The following MAIP1 variants were observed in gnomAD, a reference collection of about 807,000 sequenced individuals.
MAIP1 encodes the protein m-AAA protease-interacting protein 1, mitochondrial.
MAIP1 carries 28 observed loss-of-function variants against 31.2 expected under a neutral mutation model. The observed-to-expected ratio is 0.90, with a 90% CI of 0.67 to 1.23. The LOEUF (loss-of-function observed/expected upper bound fraction) is 1.23, where lower values mean the gene tolerates loss of function less well. MAIP1 is among the 50% of genes most tolerant of loss of function. The pLI, the probability that MAIP1 is intolerant of heterozygous loss-of-function variation, is 0.00. For missense variants in MAIP1, 339 were observed against 356.0 expected (o/e 0.95, Z 0.38); for synonymous variants, 142 against 142.3 (o/e 1.00, Z 0.02).
chr2:199,963,379 G>A (rs17591218), intron 4 of MAIP1, among the ~76,000 whole-genome samples: 7,717 of 152,076 alleles, frequency 0.051, 234 homozygotes, highest in East Asian at 0.14. Context: ...CCAGAGTCCA[G>A]TTTATCTGTC....
chr2:199,959,870 T>A lies in MAIP1; in HGVS notation c.639T>A (p.Tyr213Ter). Residue 213 changes from tyrosine (Y) to a stop codon, truncating the protein, a stop_gained, in exon 3 of 5, where the codon TAT becomes TAA. Transcript: ENST00000392290. LOFTEE classifies it high-confidence loss of function. Reference sequence around the variant, plus strand: ...CAACAGGAGACATCTCCATTTACTATGATGAGAAAGGTAATACCAGAGCAT... The same window carrying A: ...CAACAGGAGACATCTCCATTTACTAAGATGAGAAAGGTAATACCAGAGCAT... ...FTSTGDISIYYDEKGRKFVNI... is the reference protein window; with the variant it reads ...FTSTGDISIY 1 of 1,612,236 alleles carries A rather than the reference T, an allele frequency of 6.2e-7. No individual in the cohort carries two copies.
rs2077600572 is a variant in MAIP1, at chr2:199,956,035, G to A, written c.237G>A (p.Pro79=). 2 of 1,609,470 alleles carry A rather than the reference G, an allele frequency of 1.2e-6. No individual in the cohort carries two copies. The highest frequency in any genetic ancestry group is 2.2e-5 in the East Asian group (1 of 44,702). Residue 79 remains proline, a synonymous_variant, in exon 1 of 5, where the codon CCG becomes CCA. Coordinates refer to ENST00000392290, the MANE Select transcript of MAIP1 (RefSeq NM_001394955.1). Reference sequence around the variant, plus strand: ...CCCGGTGGCCAGTGCTCAGCAGCCCGGGACTCCCCGCAGCCTTCGCTTCTT... The same window carrying A: ...CCCGGTGGCCAGTGCTCAGCAGCCCAGGACTCCCCGCAGCCTTCGCTTCTT... ...QGSRWPVLSS[P]GLPAAFASFP...
In MAIP1 at chr2:199,964,007, G is replaced by T; in HGVS notation, c.*196G>T. ...CAGATTGTTATCACCTTCTTTAAAA[G>T]AAGTCAAAATTTAAAAAATACAATA... On this transcript the variant is annotated 3_prime_UTR_variant, in exon 5 of 5. Coordinates refer to ENST00000392290, the MANE Select transcript of MAIP1 (RefSeq NM_001394955.1). The T allele has an allele frequency of 2.7e-6, 1 of 373,054 alleles. No homozygotes were observed. Among genetic ancestry groups the T allele is most frequent in the African/African-American group, 2.1e-5 (1 of 48,184 alleles). The allele number at this position is 373,054 out of a possible 1,614,324, so 23.1% of individuals were successfully genotyped here. A position where few individuals can be genotyped will look rare whatever the true frequency, so the allele number is the denominator to read the frequency against.
chr2:199,960,824 G>A (rs950213149), intron 3 of MAIP1, among the ~76,000 whole-genome samples: 1 of 152,158 alleles, frequency 6.6e-6, no homozygotes, highest in Non-Finnish European at 1.5e-5. Flanking sequence ...AGGAAATGGA[G>A]CCTCTGCTTA....
rs568787748 is a variant in MAIP1, at chr2:199,955,731, T to C, written c.-68T>C. ...CTCCAGTCTCTTTCTCCGACACCGC[T>C]GAGGCGGTTTCCCACCGACTTCCTT... is the stretch of plus-strand genomic sequence containing the variant. On this transcript the variant is annotated 5_prime_UTR_variant, in exon 1 of 5. Coordinates refer to ENST00000392290, the MANE Select transcript of MAIP1 (RefSeq NM_001394955.1). 14 of 1,434,906 alleles carry C rather than the reference T, an allele frequency of 9.8e-6. No individual in the cohort carries two copies. In the South Asian group the frequency reaches 1.5e-4, roughly 15 times the overall value. 88.9% of individuals were successfully genotyped at this position (1,434,906 alleles called of 1,614,324 possible). A position where few individuals can be genotyped will look rare whatever the true frequency, so the allele number is the denominator to read the frequency against.
At chr2:199,957,215 A>G (rs1265372559) in intron 1 of MAIP1, among the ~76,000 whole-genome samples, 1 of 152,166 alleles carries the variant, frequency 6.6e-6, no homozygotes, top group Non-Finnish European at 1.5e-5. Context: ...CCTGGCCAAT[A>G]TGGTGAAACA....
upstream of MAIP1, chr2:199,955,435 C>G (rs370452475): frequency 1.4e-5 from 22 of 1,613,970 alleles, no homozygotes; most frequent in Non-Finnish European, 1.8e-5. Context: ...GAGAAACGCC[C>G]TCCAGCCGGG....
chr2:199,956,261 C>A lies in MAIP1; in HGVS notation c.450+13C>A, dbSNP rs774422324. The A allele has an allele frequency of 2.0e-5, 31 of 1,587,174 alleles. No individual in the cohort carries two copies. The highest frequency in any genetic ancestry group is 2.5e-5 in the Non-Finnish European group (29 of 1,161,516). On this transcript the variant is annotated intron_variant, in intron 1 of 4. Transcript: ENST00000392290. ...GGGAGCGAAGCAGGTTTGTTTATTT[C>A]CCTGATTGACCTATCCGTCTCTAAT...
Position 199,959,454 on chromosome 2 carries a change from G to C in MAIP1, c.522+115G>C, listed in dbSNP as rs2077624737. The C allele has an allele frequency of 1.7e-5, 12 of 703,610 alleles. No individual in the cohort carries two copies. The South Asian group carries it at 2.0e-4, about 12-fold the overall frequency. 43.6% of individuals were successfully genotyped at this position (703,610 alleles called of 1,614,324 possible). ...AGTGTGTGTGCCAGCATCCAAAGTAGAGTCTGTGTATCTGTTCTTATGGGT... is the reference window on the plus strand; with the variant it reads ...AGTGTGTGTGCCAGCATCCAAAGTACAGTCTGTGTATCTGTTCTTATGGGT... On this transcript the variant is annotated intron_variant, in intron 2 of 4. Coordinates refer to ENST00000392290, the MANE Select transcript of MAIP1 (RefSeq NM_001394955.1).
Position 199,964,014 on chromosome 2 carries a change from A to G in MAIP1, c.*203A>G. The G allele has an allele frequency of 2.8e-6, 1 of 362,988 alleles. No homozygotes were observed. Among genetic ancestry groups the G allele is most frequent in the Non-Finnish European group, 4.9e-6 (1 of 202,830 alleles). The allele number at this position is 362,988 out of a possible 1,614,324, so 22.5% of individuals were successfully genotyped here. On this transcript the variant is annotated 3_prime_UTR_variant, in exon 5 of 5. Transcript: ENST00000392290. ...TTATCACCTTCTTTAAAAGAAGTCA[A>G]AATTTAAAAAATACAATAGCACGTT...
At chr2:199,959,660 G>A in intron 2 of MAIP1, 94 bp from the exon 3 acceptor site, 5 of 1,108,560 alleles carry the variant, frequency 4.5e-6, no homozygotes, top group Non-Finnish European at 6.5e-6. Flanking sequence ...TTTAAAAATA[G>A]GTTTGGAAAA....
At chr2:199,963,641 A>G (rs2077647863) in intron 4 of MAIP1, 92 bp from the exon 5 acceptor site, 1 of 753,156 alleles carries the variant, frequency 1.3e-6, no homozygotes, top group Non-Finnish European at 2.1e-6. Context: ...GTTGCCAAAA[A>G]TTCTTCTAAA....
At chr2:199,955,573 G>T, upstream of MAIP1, 2 of 1,435,460 alleles carry the variant, frequency 1.4e-6, no homozygotes, top group Non-Finnish European at 1.9e-6. Flanking sequence ...AAAGGTCCGC[G>T]AGGCCGGCAG....
Position 199,955,589 on chromosome 2 carries a change from A to G in MAIP1, c.-210A>G, listed in dbSNP as rs768825011. On this transcript the variant is annotated 5_prime_UTR_variant, in exon 1 of 5. Coordinates refer to ENST00000392290, the MANE Select transcript of MAIP1 (RefSeq NM_001394955.1). Reference sequence around the variant, plus strand: ...AAGGTCCGCGAGGCCGGCAGACTCCAGAGTGGCTGGGTCCGAGCGCGGGGC... The same window carrying G: ...AAGGTCCGCGAGGCCGGCAGACTCCGGAGTGGCTGGGTCCGAGCGCGGGGC... The G allele has an allele frequency of 1.0e-4, 142 of 1,371,000 alleles. No individual in the cohort carries two copies. Among genetic ancestry groups the G allele is most frequent in the Non-Finnish European group, 1.3e-4 (136 of 1,007,706 alleles). The allele number at this position is 1,371,000 out of a possible 1,614,324, so 84.9% of individuals were successfully genotyped here.
intron 4 of MAIP1, 88 bp downstream of exon 4, chr2:199,962,016 A>T: frequency 8.3e-7 from 1 of 1,203,672 alleles, no homozygotes; most frequent in Admixed American, 2.4e-5. Context: ...TTTAGGAAGA[A>T]AAGAATTGAA....
chr2:199,955,394 T>C, upstream of MAIP1: 1 of 1,613,526 alleles, frequency 6.2e-7, no homozygotes, highest in Non-Finnish European at 8.5e-7. Flanking sequence ...GGGCCTCACC[T>C]GTGGGTAGAG....
chr2:199,963,728 C>A lies in MAIP1; in HGVS notation c.798-5C>A. ...GATTTACATTATTTGCAATGTCTTT[C>A]CTAGGTTTCAGAGGGAGTTCACACA... On this transcript the variant is annotated splice_polypyrimidine_tract_variant and splice_region_variant and intron_variant, in intron 4 of 4. Transcript: ENST00000392290. 1 of 1,567,334 alleles carries A rather than the reference C, an allele frequency of 6.4e-7. No homozygotes were observed.
chr2:199,962,812 G>A (rs2077643454), intron 4 of MAIP1, among the ~76,000 whole-genome samples: 1 of 152,136 alleles, frequency 6.6e-6, no homozygotes, highest in Non-Finnish European at 1.5e-5. Flanking sequence ...TAGGAAGTTA[G>A]CAAGTTACGT....
At chr2:199,960,517 A>T (rs281768) in intron 3 of MAIP1, among the ~76,000 whole-genome samples, 127,721 of 151,858 alleles carry the variant, frequency 0.84, 53,879 homozygotes, top group South Asian at 0.91. Context: ...AAAAAATATT[A>T]AAAAAAAATA....
Sources: gnomAD v4.1 joint callset for allele counts (sites outside exome capture counted in the v4.1 genomes callset) on GRCh38, gnomAD v4.1.1 for gene constraint, MANE v1.5 for transcripts, NCBI Gene and HGNC (gene_info 2026-07-23, HGNC 2026-07-21) for gene names.